Variants in SLC8A2 observed in about 807,000 individuals in gnomAD.
SLC8A2 encodes the protein sodium/calcium exchanger 2.
A neutral mutation model predicts 70.2 loss-of-function variants in SLC8A2; 14 were observed. That is an observed-to-expected ratio of 0.20 (90% confidence interval 0.13 to 0.31). The LOEUF (loss-of-function observed/expected upper bound fraction) is 0.31, where lower values mean the gene tolerates loss of function less well. Among genes scored for constraint, SLC8A2 ranks in the 10% least tolerant of loss-of-function variants. SLC8A2 has a pLI of 1.00. For synonymous variants in SLC8A2, 575 were observed against 594.3 expected (o/e 0.97, Z 0.47); for missense variants, 779 against 1,320.1 (o/e 0.59, Z 6.35).
chr19:47,435,669 C>T (rs1967019763), intron 8 of SLC8A2, among the ~76,000 whole-genome samples: 1 of 152,006 alleles, frequency 6.6e-6, no homozygotes, highest in South Asian at 2.1e-4. Flanking sequence ...CTGCCTCAGC[C>T]TCCTGAGTAC....
chr19:47,441,720 C>T (rs1410079084), intron 4 of SLC8A2, among the ~76,000 whole-genome samples: 2 of 152,270 alleles, frequency 1.3e-5, no homozygotes, highest in East Asian at 1.9e-4. Context: ...CTTTAGGAGG[C>T]TGAGGAGGGA....
Position 47,457,845 on chromosome 19 carries a change from T to C in SLC8A2, c.676-251A>G, listed in dbSNP as rs140712159. On this transcript the variant is annotated intron_variant, in intron 2 of 9. Coordinates refer to ENST00000236877, the MANE Select transcript of SLC8A2 (RefSeq NM_015063.3). ...TCTCTCTCTCTTTCTTTCTTTCTTT[T>C]TTTTTTTATTTGAGACAGAGTCTTT... Among the ~76,000 whole-genome samples, 855 of 151,352 alleles carry C rather than the reference T, an allele frequency of 5.6e-3. 10 individuals are homozygous for C. The highest frequency in any genetic ancestry group is 0.02 in the African/African-American group (806 of 41,262).
In SLC8A2 at chr19:47,432,333, G is replaced by A; in HGVS notation, c.2223C>T (p.Pro741=). The A allele has an allele frequency of 1.9e-6, 3 of 1,613,462 alleles. No homozygotes were observed. The highest frequency in any genetic ancestry group is 1.7e-6 in the Non-Finnish European group (2 of 1,180,028). ...CCCAGCCGTGGCAGTACTCGGTGGG[G>A]GGCACACAGGCGAAGAGCACCTTCC... The part of the protein sequence containing the change: ...VFWKVLFACV[P]PTEYCHGWAC... Residue 741 remains proline, a synonymous_variant, in exon 9 of 10, where the codon CCC becomes CCT. Transcript: ENST00000236877. The surrounding 1 kb of genome is among the most constrained non-coding windows in gnomAD (Gnocchi z 6.2).
rs1244004672 is a variant in SLC8A2, at chr19:47,448,751, T to G, written c.1341-520A>C. ...TAACGAGCTCCAGGGGATGTCCTGG[T>G]CACATTTTAAGTGGCAGGGATATAG... On this transcript the variant is annotated intron_variant, in intron 3 of 9. Coordinates refer to ENST00000236877, the MANE Select transcript of SLC8A2 (RefSeq NM_015063.3). The surrounding 1 kb of genome is among the most constrained non-coding windows in gnomAD (Gnocchi z 4.8). 6.6e-6 allele frequency among the ~76,000 whole-genome samples: 1 copy of G among 152,136 alleles called. No homozygotes were observed. Among genetic ancestry groups the G allele is most frequent in the Non-Finnish European group, 1.5e-5 (1 of 68,020 alleles).
At chr19:47,464,765 T>C (rs917708817) in intron 2 of SLC8A2, among the ~76,000 whole-genome samples, 8 of 152,232 alleles carry the variant, frequency 5.3e-5, no homozygotes, top group African/African-American at 1.4e-4. Context: ...AAATAAATTA[T>C]GCATGTGTGT....
chr19:47,467,920 C>T (rs941721703), intron 1 of SLC8A2, among the ~76,000 whole-genome samples: 18 of 150,800 alleles, frequency 1.2e-4, no homozygotes, highest in African/African-American at 4.2e-4. Flanking sequence ...GCATGAGAAT[C>T]GCTTGAGCCA....
chr19:47,460,665 C>T (rs563189592), intron 2 of SLC8A2, among the ~76,000 whole-genome samples: 65 of 151,392 alleles, frequency 4.3e-4, no homozygotes, highest in Non-Finnish European at 8.4e-4. Flanking sequence ...CCACTGCACT[C>T]CAGCCTGGGT....
chr19:47,465,164 G>A lies in SLC8A2; in HGVS notation c.675+565C>T, dbSNP rs1403740248. 6.6e-6 allele frequency among the ~76,000 whole-genome samples: 1 copy of A among 152,186 alleles called. No homozygotes were observed. Among genetic ancestry groups the A allele is most frequent in the African/African-American group, 2.4e-5 (1 of 41,434 alleles). ...TATGCAGATGTAGGTATATATCTAT[G>A]CGAGCCCATGGATAAATTATGCAAA... On this transcript the variant is annotated intron_variant, in intron 2 of 9. Coordinates refer to ENST00000236877, the MANE Select transcript of SLC8A2 (RefSeq NM_015063.3). This position sits in a 1 kb window ranked among gnomAD's most constrained non-coding sequence, Gnocchi z 5.5.
rs766142050 is a variant in SLC8A2, at chr19:47,465,691, C to T, written c.675+38G>A. 3 of 1,535,868 alleles carry T rather than the reference C, an allele frequency of 2.0e-6. No homozygotes were observed. The highest frequency in any genetic ancestry group is 2.7e-6 in the Non-Finnish European group (3 of 1,129,452). The stretch of plus-strand genomic sequence containing the variant: ...AGCACCTCTCTGGATTTTGCAGACA[C>T]ACATGCACCAAGAAAGCATCTATGC... On this transcript the variant is annotated intron_variant, in intron 2 of 9. Transcript: ENST00000236877. This position sits in a 1 kb window ranked among gnomAD's most constrained non-coding sequence, Gnocchi z 5.5.
chr19:47,434,376 C>T (rs1354848386), intron 8 of SLC8A2, among the ~76,000 whole-genome samples: 4 of 152,198 alleles, frequency 2.6e-5, no homozygotes, highest in Non-Finnish European at 5.9e-5. Context: ...TTATGCCTGT[C>T]ACTCTGAAGT....
intron 3 of SLC8A2, among the ~76,000 whole-genome samples, chr19:47,449,987 G>C (rs1171231824): frequency 6.6e-6 from 1 of 152,138 alleles, no homozygotes; most frequent in Non-Finnish European, 1.5e-5. Context: ...CTCTGTAATG[G>C]GGGGAGCCGG....
intron 3 of SLC8A2, among the ~76,000 whole-genome samples, chr19:47,450,276 A>C (rs1056006507): frequency 4.6e-5 from 7 of 152,080 alleles, no homozygotes; most frequent in Non-Finnish European, 8.8e-5. Context: ...TAATACCAAC[A>C]CTTTGGGAGG....
intron 1 of SLC8A2, among the ~76,000 whole-genome samples, chr19:47,469,819 G>A (rs1341076699): frequency 6.6e-6 from 1 of 152,212 alleles, no homozygotes; most frequent in African/African-American, 2.4e-5. Flanking sequence ...AGGGCAGATG[G>A]CAGGTACCGT....
At chr19:47,452,433 AGAGAGAGAGAGAGTGTGTGTGTGTGTGT>A (rs1368546167) in intron 3 of SLC8A2, among the ~76,000 whole-genome samples, 24 of 99,046 alleles carry the variant, frequency 2.4e-4, no homozygotes, top group African/African-American at 1.0e-3. Context: ...AGAGAGAGAG[AGAGAGAGAGAGAGTGTGTGTGTGTGTGT>A]GTGTGTGTGT....
At position 47,465,745 on chromosome 19, in the gene SLC8A2, GA is replaced by G. The variant is rs748349403; in HGVS notation, c.658del (p.Ser220ProfsTer12). ...VWLYLILAVF[S>X]PGVVQVWEAL... is the part of the protein sequence containing the mutation. ...TTTGCTCACCTGGACCACACCGGGG[GA>G]AAAAACAGCAAGGATGAGATAAAGC... On this transcript the variant is annotated frameshift_variant, in exon 2 of 10. Transcript: ENST00000236877. LOFTEE classifies it high-confidence loss of function. The surrounding 1 kb of genome is among the most constrained non-coding windows in gnomAD (Gnocchi z 5.5). The G allele has an allele frequency of 6.2e-7, 1 of 1,611,246 alleles. No homozygotes were observed. Among genetic ancestry groups the G allele is most frequent in the Non-Finnish European group, 8.5e-7 (1 of 1,178,006 alleles).
At chr19:47,443,840 G>GTC (rs1220384758) in intron 4 of SLC8A2, among the ~76,000 whole-genome samples, 1 of 152,008 alleles carries the variant, frequency 6.6e-6, no homozygotes, top group Non-Finnish European at 1.5e-5. Flanking sequence ...CTCTCCAGCA[G>GTC]TCTCTCTCTC....
Position 47,430,070 on chromosome 19 carries a change from C to A in SLC8A2, c.*19G>T. On this transcript the variant is annotated 3_prime_UTR_variant, in exon 10 of 10. Coordinates refer to ENST00000236877, the MANE Select transcript of SLC8A2 (RefSeq NM_015063.3). The surrounding 1 kb of genome is among the most constrained non-coding windows in gnomAD (Gnocchi z 5.9). ...CCTAGCCCCGGGCGGGCGGTGGGGA[C>A]GAGTCTCTGCGCGAGGCCCTAGAAG... The A allele has an allele frequency of 6.4e-7, 1 of 1,567,426 alleles. No individual in the cohort carries two copies. Among genetic ancestry groups the A allele is most frequent in the East Asian group, 2.3e-5 (1 of 42,668 alleles).
Position 47,457,070 on chromosome 19 carries a change from A to G in SLC8A2, c.1200T>C (p.Pro400=), listed in dbSNP as rs1482198552. 1 of 1,592,250 alleles carries G rather than the reference A, an allele frequency of 6.3e-7. No individual in the cohort carries two copies. Among genetic ancestry groups the G allele is most frequent in the Non-Finnish European group, 8.5e-7 (1 of 1,169,896 alleles). ...DDGASRIFFE[P]SLYHCLENCG... ...AGTTCTCCAGGCAGTGGTAGAGGCT[A>G]GGCTCGAAGAAGATGCGGCTGGCGC... is the stretch of plus-strand genomic sequence containing the variant. The change falls in exon 3 of 10, where the codon CCT becomes CCC. Residue 400 remains proline, a synonymous_variant. Coordinates refer to ENST00000236877, the MANE Select transcript of SLC8A2 (RefSeq NM_015063.3).
chr19:47,450,585 C>T (rs918623935), intron 3 of SLC8A2, among the ~76,000 whole-genome samples: 3 of 152,030 alleles, frequency 2.0e-5, no homozygotes, highest in South Asian at 2.1e-4. Context: ...AGAGAGGGAC[C>T]GCAAGGTTCT....
Sources: gnomAD v4.1 joint callset for allele counts (sites outside exome capture counted in the v4.1 genomes callset) on GRCh38, gnomAD v4.1.1 for gene constraint, Gnocchi (gnomAD v3.1) non-coding constraint, MANE v1.5 for transcripts, NCBI Gene and HGNC (gene_info 2026-07-23, HGNC 2026-07-21) for gene names.